UGT1A9: variants seen among roughly 807,000 people sequenced by gnomAD.
UGT1A9 encodes the protein UDP glucuronosyltransferase family 1 member A9.
A neutral mutation model predicts 45.0 loss-of-function variants in UGT1A9; 35 were observed. The observed-to-expected ratio is 0.78, with a 90% CI of 0.59 to 1.03. The LOEUF (loss-of-function observed/expected upper bound fraction) is 1.03, where lower values mean the gene tolerates loss of function less well. Among genes scored for constraint, UGT1A9 ranks in the 50% least tolerant of loss-of-function variants. The pLI is 0.00. For synonymous variants in UGT1A9, 278 were observed against 250.6 expected, an observed-to-expected ratio of 1.11 and a Z score of -1.03; for missense variants, 687 against 666.6, an observed-to-expected ratio of 1.03 and a Z score of -0.34.
intron 1 of UGT1A9, among the ~76,000 whole-genome samples, chr2:233,758,252 T>G (rs1696828671): frequency 6.6e-6 from 1 of 152,196 alleles, no homozygotes; most frequent in African/African-American, 2.4e-5. Context: ...ACTATTCAGA[T>G]TAGTAAGTAT....
At chr2:233,725,206 A>AGGC (rs1165948613) in intron 1 of UGT1A9, among the ~76,000 whole-genome samples, 4 of 91,688 alleles carry the variant, frequency 4.4e-5, no homozygotes, top group Admixed American at 9.5e-5. Context: ...GCAGAGGCAG[A>AGGC]GGCAGAGGCA....
chr2:233,672,672 C>T lies in UGT1A9; in HGVS notation c.738C>T (p.Ser246=). 2 of 1,613,900 alleles carry T rather than the reference C, an allele frequency of 1.2e-6. No homozygotes were observed. The highest frequency in any genetic ancestry group is 1.7e-6 in the Non-Finnish European group (2 of 1,179,842). ...CTGTTACGGAGTATGATCTCTACAG[C>T]CACACATCAATTTGGTTGTTGCGAA... is the stretch of plus-strand genomic sequence containing the variant. ...QTPVTEYDLY[S]HTSIWLLRTD... is the part of the protein sequence containing the mutation. The change falls in exon 1 of 5, where the codon AGC becomes AGT. Residue 246 remains serine, a synonymous_variant. Transcript: ENST00000354728.
intron 1 of UGT1A9, chr2:233,742,605 G>A (rs1344042789): frequency 6.6e-6 from 1 of 151,892 alleles, no homozygotes; most frequent in Non-Finnish European, 1.5e-5. Context: ...TACCATAGTT[G>A]GAGAACCACG....
At chr2:233,711,742 C>A (rs1575496526) in intron 1 of UGT1A9, among the ~76,000 whole-genome samples, 1 of 152,196 alleles carries the variant, frequency 6.6e-6, no homozygotes. Context: ...GCAGACACGG[C>A]CAGGCATGTA....
chr2:233,681,883 A>G lies in UGT1A9; in HGVS notation c.855+9094A>G, dbSNP rs574890114. 133 of 1,555,696 alleles carry G rather than the reference A, an allele frequency of 8.5e-5. No homozygotes were observed. The African/African-American group carries it at 1.4e-3, about 16-fold the overall frequency. On this transcript the variant is annotated intron_variant, in intron 1 of 4. Transcript: ENST00000354728. ...GGTTCTATCTGTACTTCTTCCACTT[A>G]CTATATTATAGGAGCTTAGAATCCC...
chr2:233,740,379 T>C (rs1691378292), intron 1 of UGT1A9, among the ~76,000 whole-genome samples: 1 of 151,912 alleles, frequency 6.6e-6, no homozygotes, highest in Admixed American at 6.5e-5. Flanking sequence ...AGGTAAGTTG[T>C]TGTGTGAATT....
intron 1 of UGT1A9, chr2:233,719,795 T>A: frequency 1.9e-6 from 3 of 1,604,386 alleles, no homozygotes; most frequent in Non-Finnish European, 2.6e-6. Flanking sequence ...AAAGATTTTA[T>A]TTTGGCTTCT....
intron 1 of UGT1A9, chr2:233,717,688 G>A: frequency 2.3e-6 from 1 of 441,794 alleles, no homozygotes; most frequent in South Asian, 1.6e-5. Flanking sequence ...ATGTAGGAGT[G>A]ACTTTCTGGA....
intron 1 of UGT1A9, among the ~76,000 whole-genome samples, chr2:233,710,562 A>C (rs995361166): frequency 9.2e-5 from 14 of 152,172 alleles, no homozygotes; most frequent in African/African-American, 3.4e-4. Context: ...TTTTCTTTTA[A>C]AAGGTGCCCT....
At chr2:233,763,667 A>G (rs1461035011) in intron 1 of UGT1A9, among the ~76,000 whole-genome samples, 2 of 152,194 alleles carry the variant, frequency 1.3e-5, no homozygotes, top group African/African-American at 4.8e-5. Context: ...AAAACTCCTG[A>G]ACTTTAAGAA....
chr2:233,718,788 G>A, intron 1 of UGT1A9: 1 of 1,613,102 alleles, frequency 6.2e-7, no homozygotes, highest in Non-Finnish European at 8.5e-7. Context: ...ACAGCGTGGG[G>A]TGGACAGTCA....
intron 1 of UGT1A9, among the ~76,000 whole-genome samples, chr2:233,710,424 T>C (rs907239119): frequency 2.0e-5 from 3 of 152,248 alleles, no homozygotes; most frequent in African/African-American, 7.2e-5. Flanking sequence ...GTGCTAAGAC[T>C]TGCTATTTTT....
intron 1 of UGT1A9, chr2:233,693,804 T>A: frequency 1.2e-6 from 2 of 1,614,202 alleles, no homozygotes; most frequent in Non-Finnish European, 1.7e-6. Context: ...CCTAGGCCGG[T>A]CATGCCCAAC....
At chr2:233,721,960 C>T (rs1451442722) in intron 1 of UGT1A9, 10 of 313,544 alleles carry the variant, frequency 3.2e-5, no homozygotes, top group South Asian at 1.1e-4. Context: ...TTTGTATATG[C>T]ATACATTGAT....
chr2:233,751,264 C>CT (rs1248433988), intron 1 of UGT1A9, among the ~76,000 whole-genome samples: 2 of 151,872 alleles, frequency 1.3e-5, no homozygotes, highest in Admixed American at 1.3e-4. Context: ...CTGTAGCCCC[C>CT]TTTTTTTGGC....
At chr2:233,726,798 G>T (rs548256451) in intron 1 of UGT1A9, among the ~76,000 whole-genome samples, 1 of 152,228 alleles carries the variant, frequency 6.6e-6, no homozygotes, top group South Asian at 2.1e-4. Context: ...CTTATTCAAG[G>T]CTTGGAGGTT....
At chr2:233,718,697 C>T (rs2125661774) in intron 1 of UGT1A9, 1 of 1,595,942 alleles carries the variant, frequency 6.3e-7, no homozygotes, top group Non-Finnish European at 8.5e-7. Flanking sequence ...GAGGAGGGCA[C>T]TTTGTCTTCC....
intron 1 of UGT1A9, chr2:233,708,382 G>T (rs1471815158): frequency 6.6e-6 from 1 of 152,124 alleles, no homozygotes; most frequent in African/African-American, 2.4e-5. Flanking sequence ...CGTCTTTTGT[G>T]TGTGTGTGTT....
At chr2:233,716,425 C>T (rs967388404) in intron 1 of UGT1A9, among the ~76,000 whole-genome samples, 13 of 152,316 alleles carry the variant, frequency 8.5e-5, no homozygotes, top group African/African-American at 3.1e-4. Flanking sequence ...TTATTCAAAA[C>T]TTGGAGGTTT....
Sources: gnomAD v4.1 joint callset for allele counts (sites outside exome capture counted in the v4.1 genomes callset) on GRCh38, gnomAD v4.1.1 for gene constraint, MANE v1.5 for transcripts, NCBI Gene and HGNC (gene_info 2026-07-23, HGNC 2026-07-21) for gene names.